OSBPL6: variants seen among roughly 807,000 people sequenced by gnomAD.
The protein encoded by OSBPL6 is oxysterol-binding protein-related protein 6.
A neutral mutation model predicts 125.8 loss-of-function variants in OSBPL6; 49 were observed. That is an observed-to-expected ratio of 0.39 (90% CI 0.31 to 0.49). The LOEUF (loss-of-function observed/expected upper bound fraction) is 0.49, where lower values mean the gene tolerates loss of function less well. OSBPL6 is among the 20% of genes least tolerant of loss of function. The pLI is 0.88. For synonymous variants in OSBPL6, 394 were observed against 391.8 expected, an observed-to-expected ratio of 1.01 and a Z score of -0.07; for missense variants, 986 against 1,135.4, an observed-to-expected ratio of 0.87 and a Z score of 1.89.
chr2:178,288,996 GTTTTC>G (rs1391125292), intron 2 of OSBPL6, among the ~76,000 whole-genome samples: 4 of 141,836 alleles, frequency 2.8e-5, no homozygotes, highest in African/African-American at 1.0e-4. Context: ...GTTGATTTTT[GTTTTC>G]TTTTTCTTTT....
chr2:178,315,031 G>C (rs955756694), intron 3 of OSBPL6, among the ~76,000 whole-genome samples: 1 of 152,214 alleles, frequency 6.6e-6, no homozygotes, highest in African/African-American at 2.4e-5. Context: ...TTGGGAAACT[G>C]TAAATCAAAT....
chr2:178,345,480 A>C (rs1222221993), intron 11 of OSBPL6, among the ~76,000 whole-genome samples: 1 of 152,222 alleles, frequency 6.6e-6, no homozygotes, highest in African/African-American at 2.4e-5. Context: ...TTTATTAGGG[A>C]AATGACTCTT....
intron 3 of OSBPL6, among the ~76,000 whole-genome samples, 172 bp downstream of exon 3, chr2:178,306,458 G>T (rs893789699): frequency 1.3e-5 from 2 of 152,168 alleles, no homozygotes; most frequent in Non-Finnish European, 2.9e-5. Context: ...TCCCACTCTT[G>T]CTTCTCTGTG....
intron 11 of OSBPL6, among the ~76,000 whole-genome samples, chr2:178,343,693 A>G (rs925499936): frequency 1.3e-5 from 2 of 152,178 alleles, no homozygotes; most frequent in Non-Finnish European, 2.9e-5. Flanking sequence ...GAAAATTCTT[A>G]GACTTGAAAA....
intron 1 of OSBPL6, among the ~76,000 whole-genome samples, chr2:178,282,334 A>T (rs1684278829): frequency 6.6e-6 from 1 of 152,168 alleles, no homozygotes; most frequent in African/African-American, 2.4e-5. Context: ...AGTGAGATTC[A>T]ACTTGTCTTA....
At chr2:178,351,457 T>TA (rs1691249242) in intron 12 of OSBPL6, among the ~76,000 whole-genome samples, 1 of 151,232 alleles carries the variant, frequency 6.6e-6, no homozygotes, top group Non-Finnish European at 1.5e-5. Flanking sequence ...ACAACATAGC[T>TA]AAAAAAGAAA....
chr2:178,244,276 C>T (rs2091410181), intron 1 of OSBPL6, among the ~76,000 whole-genome samples: 1 of 152,204 alleles, frequency 6.6e-6, no homozygotes, highest in Non-Finnish European at 1.5e-5. Context: ...AAGCCTTCTC[C>T]TCCCCTAGAA....
In OSBPL6 at chr2:178,210,091, C is replaced by T. The variant is rs183427231; in HGVS notation, c.-351+15417C>T. Among the ~76,000 whole-genome samples, 95 of 150,682 alleles carry T rather than the reference C, an allele frequency of 6.3e-4. No homozygotes were observed. The East Asian group carries it at 0.017, about 27-fold the overall frequency. On this transcript the variant is annotated intron_variant, in intron 1 of 24. Transcript: ENST00000190611. ...CTGGAGTGCAGTGGCATGATCTTGG[C>T]TCACTGCAACCTCTGCCTCCCGGGT...
chr2:178,210,835 C>A (rs1364921225), intron 1 of OSBPL6, among the ~76,000 whole-genome samples: 34 of 151,324 alleles, frequency 2.2e-4, no homozygotes, highest in Middle Eastern at 6.8e-3. Flanking sequence ...CACACACACA[C>A]ACACACACAC....
chr2:178,337,998 A>G (rs111283066), intron 9 of OSBPL6, among the ~76,000 whole-genome samples: 1 of 143,742 alleles, frequency 7.0e-6, no homozygotes, highest in South Asian at 2.2e-4. Context: ...CTGGAGTGCA[A>G]TGGTGCTATC....
chr2:178,282,631 G>A (rs561429674), intron 1 of OSBPL6, among the ~76,000 whole-genome samples: 1 of 152,172 alleles, frequency 6.6e-6, no homozygotes, highest in East Asian at 1.9e-4. Flanking sequence ...GGAAGGAAGA[G>A]ATGGCTAAGG....
chr2:178,250,824 T>C (rs1294761668), intron 1 of OSBPL6, among the ~76,000 whole-genome samples: 1 of 152,146 alleles, frequency 6.6e-6, no homozygotes, highest in East Asian at 1.9e-4. Context: ...CAACTTGTAA[T>C]CTTAGTTAGA....
intron 3 of OSBPL6, among the ~76,000 whole-genome samples, chr2:178,314,416 C>T (rs1050008566): frequency 1.3e-5 from 2 of 152,146 alleles, no homozygotes; most frequent in Non-Finnish European, 2.9e-5. Flanking sequence ...GAAACACTAA[C>T]CTGATCTGAA....
At chr2:178,265,998 A>G (rs2092220984) in intron 1 of OSBPL6, among the ~76,000 whole-genome samples, 1 of 152,262 alleles carries the variant, frequency 6.6e-6, no homozygotes, top group African/African-American at 2.4e-5. Context: ...CCCAGCCTGC[A>G]GGATCAGAGA....
At chr2:178,239,871 C>T (rs148411964) in intron 1 of OSBPL6, among the ~76,000 whole-genome samples, 5,464 of 151,954 alleles carry the variant, frequency 0.036, 120 homozygotes, top group African/African-American at 0.061. Context: ...TCGTGATCCA[C>T]CCGCCTCGGC....
At position 178,399,425 on chromosome 2, in the gene OSBPL6, G is replaced by T. The variant is rs1160376338; in HGVS notation, c.*3866G>T. ...CTAAACCTTTGTTTAATACATAATT[G>T]TAAGAGCATATATTTGTTATTGAAT... On this transcript the variant is annotated 3_prime_UTR_variant, in exon 25 of 25. Transcript: ENST00000190611. 6.6e-6 allele frequency: 1 copy of T among 152,168 alleles called. No homozygotes were observed. The highest frequency in any genetic ancestry group is 2.4e-5 in the African/African-American group (1 of 41,436). 9.4% of individuals were successfully genotyped at this position (152,168 alleles called of 1,614,324 possible). A position where few individuals can be genotyped will look rare whatever the true frequency, so the allele number is the denominator to read the frequency against.
rs532115618 is a variant in OSBPL6 at position 178,263,292 on chromosome 2, G to A, written c.-350-21635G>A. Among the ~76,000 whole-genome samples the A allele has an allele frequency of 2.0e-5, 3 of 152,272 alleles. No homozygotes were observed. The East Asian group carries it at 5.8e-4, about 29-fold the overall frequency. ...TCAGGAGTTCAAGACTAGCCTGACG[G>A]ACATGGTGAAACCCCATCTCTACTA... On this transcript the variant is annotated intron_variant, in intron 1 of 24. Transcript: ENST00000190611.
At chr2:178,366,624 T>C (rs1473387452) in intron 13 of OSBPL6, among the ~76,000 whole-genome samples, 1 of 152,142 alleles carries the variant, frequency 6.6e-6, no homozygotes, top group African/African-American at 2.4e-5. Context: ...TAAATAGAAT[T>C]GAAGCAAAAA....
intron 13 of OSBPL6, among the ~76,000 whole-genome samples, chr2:178,371,413 G>A (rs1460455813): frequency 6.6e-6 from 1 of 152,194 alleles, no homozygotes; most frequent in Non-Finnish European, 1.5e-5. Flanking sequence ...GTTATAGCAA[G>A]TAGTGTTTTA....
Sources: allele counts gnomAD v4.1 joint callset (sites outside exome capture counted in the v4.1 genomes callset), GRCh38; gene constraint gnomAD v4.1.1; transcripts MANE v1.5; gene names NCBI Gene and HGNC (gene_info 2026-07-23, HGNC 2026-07-21).